Variants in PCSK9 observed in about 807,000 individuals in gnomAD.
PCSK9 encodes the protein convertase subtilisin/kexin type 9 preproprotein.
In PCSK9, 57 loss-of-function variants were observed where a neutral mutation model predicts 62.1. The observed-to-expected ratio is 0.92, with a 90% confidence interval of 0.74 to 1.14. The LOEUF is 1.14. Ranked by LOEUF, PCSK9 falls within the 50% of genes most tolerant of loss-of-function variation. The pLI is 0.00. For synonymous variants in PCSK9, 387 were observed against 409.4 expected, an observed-to-expected ratio of 0.95 and a Z score of 0.66; for missense variants, 870 against 959.8, an observed-to-expected ratio of 0.91 and a Z score of 1.24.
Position 55,057,257 on chromosome 1 carries a change from G to T in PCSK9, c.997-74G>T, listed in dbSNP as rs1644722083. 5 of 1,525,936 alleles carry T rather than the reference G, an allele frequency of 3.3e-6. No individual in the cohort carries two copies. The African/African-American group carries it at 4.1e-5, about 13-fold the overall frequency. 94.5% of individuals were successfully genotyped at this position (1,525,936 alleles called of 1,614,324 possible). On this transcript the variant is annotated intron_variant, in intron 6 of 11. Coordinates refer to ENST00000302118, the MANE Select transcript of PCSK9 (RefSeq NM_174936.4). ...GTATAGCAGTTGTCCAGCCCAGCTG[G>T]CAAGGCCTGAGTCTGCCTCTGCAAC...
chr1:55,053,202 T>C (rs183431767), intron 5 of PCSK9, among the ~76,000 whole-genome samples: 64 of 152,246 alleles, frequency 4.2e-4, no homozygotes, highest in African/African-American at 1.5e-3. Flanking sequence ...CTCACTTGCA[T>C]GACTGGGCCC....
At position 55,044,503 on chromosome 1, in the gene PCSK9, G is replaced by A. The variant is rs115811249; in HGVS notation, c.399+469G>A. 5.2e-3 allele frequency among the ~76,000 whole-genome samples: 793 copies of A among 152,230 alleles called. 10 individuals carry two copies. The highest frequency in any genetic ancestry group is 0.018 in the African/African-American group (767 of 41,526). On this transcript the variant is annotated intron_variant, in intron 2 of 11. Transcript: ENST00000302118. ...GAAGTCCCTTCTTTAGGACAGGGTG[G>A]CCCTCCTCCCTCCTGGATGTCACAT...
intron 11 of PCSK9, among the ~76,000 whole-genome samples, chr1:55,062,260 AG>A (rs1411314854): frequency 1.1e-4 from 17 of 152,268 alleles, no homozygotes; most frequent in Non-Finnish European, 2.5e-4. Context: ...GGCAGCCCTA[AG>A]GAGTCCACTC....
chr1:55,057,657 C>T (rs1436485058), intron 7 of PCSK9, 143 bp downstream of exon 7: 1 of 1,086,380 alleles, frequency 9.2e-7, no homozygotes, highest in African/African-American at 1.5e-5. Flanking sequence ...CAAGGACACT[C>T]AGTCTGATGA....
intron 5 of PCSK9, among the ~76,000 whole-genome samples, chr1:55,055,464 G>A (rs1184522971): frequency 6.6e-6 from 1 of 152,210 alleles, no homozygotes; most frequent in Non-Finnish European, 1.5e-5. Flanking sequence ...ACAGAGCCAG[G>A]CACAGAGAAG....
At position 55,057,452 on chromosome 1, in the gene PCSK9, G is replaced by T. The variant is rs768686622; in HGVS notation, c.1118G>T (p.Ser373Ile). ...APGEDIIGAS[S>I]DCSTCFVSQS... Reference sequence around the variant, plus strand: ...GGGGAGGACATCATTGGTGCCTCCAGCGACTGCAGCACCTGCTTTGTGTCA... The same window carrying T: ...GGGGAGGACATCATTGGTGCCTCCATCGACTGCAGCACCTGCTTTGTGTCA... The change falls in exon 7 of 12, where the codon AGC becomes ATC. Residue 373 changes from serine to isoleucine, a missense_variant. Transcript: ENST00000302118. The T allele has an allele frequency of 6.2e-7, 1 of 1,614,072 alleles. No individual in the cohort carries two copies. The highest frequency in any genetic ancestry group is 1.7e-5 in the Admixed American group (1 of 60,026).
intron 3 of PCSK9, chr1:55,051,318 G>C (rs1420182077): frequency 2.5e-6 from 1 of 397,504 alleles, no homozygotes; most frequent in Non-Finnish European, 5.0e-6. Context: ...GATTCCACCT[G>C]AGGCCCTGCT....
rs1031939891 is a variant in PCSK9, at chr1:55,040,705, T to C, written c.207+661T>C. On this transcript the variant is annotated intron_variant, in intron 1 of 11. Transcript: ENST00000302118. The surrounding 1 kb of genome is among the most constrained non-coding windows in gnomAD (Gnocchi z 4.1). ...GGGGCGGAGGTATTCTCGAGGCCCATTGGCGTCCTTTAGGACTCAGGCAGG... is the reference window on the plus strand; with the variant it reads ...GGGGCGGAGGTATTCTCGAGGCCCACTGGCGTCCTTTAGGACTCAGGCAGG... Among the ~76,000 whole-genome samples, 1 of 152,196 alleles carries C rather than the reference T, an allele frequency of 6.6e-6. No homozygotes were observed. The highest frequency in any genetic ancestry group is 1.5e-5 in the Non-Finnish European group (1 of 68,026).
Position 55,057,459 on chromosome 1 carries a change from C to T in PCSK9, c.1125C>T (p.Cys375=), listed in dbSNP as rs772355707. 4.3e-6 allele frequency: 7 copies of T among 1,613,936 alleles called. No individual in the cohort carries two copies. Among genetic ancestry groups the T allele is most frequent in the South Asian group, 1.1e-5 (1 of 91,080 alleles). Residue 375 remains cysteine (C), a synonymous_variant, in exon 7 of 12, where the codon TGC becomes TGT. Transcript: ENST00000302118. ...ACATCATTGGTGCCTCCAGCGACTG[C>T]AGCACCTGCTTTGTGTCACAGAGTG... The part of the protein sequence containing the change: ...GEDIIGASSD[C]STCFVSQSGT...
Position 55,057,464 on chromosome 1 carries a change from C to G in PCSK9, c.1130C>G (p.Thr377Ser), listed in dbSNP as rs760947578. The change falls in exon 7 of 12, where the codon ACC becomes AGC. Residue 377 changes from threonine to serine, a missense_variant. By Grantham distance (58) the Thr-to-Ser change is moderately conservative. Coordinates refer to ENST00000302118, the MANE Select transcript of PCSK9 (RefSeq NM_174936.4). ...ATTGGTGCCTCCAGCGACTGCAGCA[C>G]CTGCTTTGTGTCACAGAGTGGGACA... ...DIIGASSDCSTCFVSQSGTSQ... is the reference protein window; with the variant it reads ...DIIGASSDCSSCFVSQSGTSQ... The G allele has an allele frequency of 3.7e-6, 6 of 1,613,898 alleles. No individual in the cohort carries two copies. Among genetic ancestry groups the G allele is most frequent in the Non-Finnish European group, 4.2e-6 (5 of 1,180,032 alleles).
At chr1:55,042,497 C>T (rs28362213) in intron 1 of PCSK9, among the ~76,000 whole-genome samples, 1 of 152,156 alleles carries the variant, frequency 6.6e-6, no homozygotes, top group East Asian at 1.9e-4. Context: ...CAAACAAGTT[C>T]TGAGGTTCAA....
rs750542221 is a variant in PCSK9, at chr1:55,057,376, C to A, written c.1042C>A (p.Leu348Met). Reference sequence around the variant, plus strand: ...CAATGCCCAAGACCAGCCGGTGACCCTGGGGACTTTGGGGACCAACTTTGG... The same window carrying A: ...CAATGCCCAAGACCAGCCGGTGACCATGGGGACTTTGGGGACCAACTTTGG... The part of the protein sequence containing the change: ...ATNAQDQPVT[L>M]GTLGTNFGRC... Residue 348 changes from leucine to methionine, a missense_variant, in exon 7 of 12, where the codon CTG (leucine) becomes ATG (methionine). Coordinates refer to ENST00000302118, the MANE Select transcript of PCSK9 (RefSeq NM_174936.4). The A allele has an allele frequency of 6.2e-7, 1 of 1,614,012 alleles. No individual in the cohort carries two copies. The highest frequency in any genetic ancestry group is 1.3e-5 in the African/African-American group (1 of 74,954).
intron 5 of PCSK9, among the ~76,000 whole-genome samples, chr1:55,054,391 A>G (rs1450390668): frequency 6.6e-6 from 1 of 152,106 alleles, no homozygotes; most frequent in African/African-American, 2.4e-5. Flanking sequence ...TCAAAAATAA[A>G]TAAGTAAATA....
intron 9 of PCSK9, 54 bp downstream of exon 9, chr1:55,058,701 G>A (rs1319705439): frequency 1.1e-5 from 17 of 1,540,806 alleles, no homozygotes; most frequent in South Asian, 2.4e-5. Context: ...GTGTGTGTGT[G>A]TGTGTGTGTG....
rs540169841 is a variant in PCSK9, at chr1:55,061,974, C to T, written c.1863+418C>T. On this transcript the variant is annotated intron_variant, in intron 11 of 11. Transcript: ENST00000302118. ...AAGTGTTGGGATTATAGGCATGAGC[C>T]GCTGCACCTGGCCTCTCTGATCTAT... Among the ~76,000 whole-genome samples the T allele has an allele frequency of 3.3e-5, 5 of 152,304 alleles. 1 individual carries two copies. Among genetic ancestry groups the T allele is most frequent in the South Asian group, 4.1e-4 (2 of 4,828 alleles).
In PCSK9 at chr1:55,043,048, A is replaced by G. The variant is rs28362217; in HGVS notation, c.208-795A>G. ...TCCCCTTCACCTTCTGCCATCAGTGAAAGCAGCTTAAGGCCCTCACCAGAA... is the reference window on the plus strand; with the variant it reads ...TCCCCTTCACCTTCTGCCATCAGTGGAAGCAGCTTAAGGCCCTCACCAGAA... On this transcript the variant is annotated intron_variant, in intron 1 of 11. Transcript: ENST00000302118. Among the ~76,000 whole-genome samples the G allele has an allele frequency of 7.9e-3, 1,210 of 152,334 alleles. 15 individuals are homozygous for G. The highest frequency in any genetic ancestry group is 0.028 in the African/African-American group (1,163 of 41,568).
intron 9 of PCSK9, among the ~76,000 whole-genome samples, chr1:55,058,898 T>C (rs776031156): frequency 1.1e-4 from 17 of 152,106 alleles, no homozygotes; most frequent in Non-Finnish European, 1.9e-4. Context: ...CAGTGCTGGA[T>C]GGATTTTCAA....
chr1:55,058,000 G>A (rs1644728226), intron 7 of PCSK9, 36 bp from the exon 8 acceptor site: 2 of 1,613,158 alleles, frequency 1.2e-6, no homozygotes, highest in Non-Finnish European at 1.7e-6. Context: ...GGAGGGCCGG[G>A]CCATCACCAT....
At chr1:55,053,201 A>G (rs960620480) in intron 5 of PCSK9, among the ~76,000 whole-genome samples, 3 of 152,050 alleles carry the variant, frequency 2.0e-5, no homozygotes, top group Admixed American at 2.0e-4. Context: ...ACTCACTTGC[A>G]TGACTGGGCC....
Sources: allele counts gnomAD v4.1 joint callset (sites outside exome capture counted in the v4.1 genomes callset), GRCh38; gene constraint gnomAD v4.1.1; non-coding constraint Gnocchi (gnomAD v3.1); transcripts MANE v1.5; gene names NCBI Gene and HGNC (gene_info 2026-07-23, HGNC 2026-07-21).